The following GRAMD2B variants were observed in gnomAD, a reference collection of about 807,000 sequenced individuals.
GRAMD2B encodes the protein GRAM domain-containing protein 2B.
In GRAMD2B, 41 loss-of-function variants were observed where a neutral mutation model predicts 59.2. The observed-to-expected ratio is 0.69, with a 90% confidence interval of 0.54 to 0.90. GRAMD2B has a LOEUF of 0.90. Ranked by LOEUF, GRAMD2B falls within the 40% of genes least tolerant of loss-of-function variation. The pLI is 0.00. For missense variants in GRAMD2B, 424 were observed against 500.5 expected, an observed-to-expected ratio of 0.85 and a Z score of 1.46; for synonymous variants, 161 against 182.7, an observed-to-expected ratio of 0.88 and a Z score of 0.96.
At chr5:126,432,688 A>G (rs1405666894) in intron 1 of GRAMD2B, among the ~76,000 whole-genome samples, 6 of 152,176 alleles carry the variant, frequency 3.9e-5, no homozygotes, top group South Asian at 2.1e-4. Context: ...TGTTAAGAAT[A>G]TATTTCTTTT....
chr5:126,403,478 G>A (rs575634635), intron 1 of GRAMD2B, among the ~76,000 whole-genome samples: 9 of 152,068 alleles, frequency 5.9e-5, no homozygotes, highest in African/African-American at 2.2e-4. Flanking sequence ...GATTAATTAA[G>A]TCATCACTTA....
rs528281543 is a variant in GRAMD2B, at chr5:126,440,270, T to C, written c.83+16581T>C. Reference sequence around the variant, plus strand: ...AGTTTACCTTCCTCAAAAGGAAAACTTATGAAGTATTTCTTAAATGTATAA... The same window carrying C: ...AGTTTACCTTCCTCAAAAGGAAAACCTATGAAGTATTTCTTAAATGTATAA... On this transcript the variant is annotated intron_variant, in intron 1 of 13. Transcript: ENST00000285689. 5.6e-4 allele frequency among the ~76,000 whole-genome samples: 85 copies of C among 152,256 alleles called. No individual in the cohort carries two copies. The Middle Eastern group carries it at 0.01, about 18-fold the overall frequency.
At position 126,423,535 on chromosome 5, in the gene GRAMD2B, C is replaced by T; in HGVS notation, c.-72C>T. On this transcript the variant is annotated 5_prime_UTR_variant, in exon 1 of 14. Transcript: ENST00000285689. The stretch of plus-strand genomic sequence containing the variant: ...GCTTGCTTGGCCTGCGCACCCGGAC[C>T]TAGAAGCCGGGACGAGCCGGGGCAG... 4 of 1,566,490 alleles carry T rather than the reference C, an allele frequency of 2.6e-6. No homozygotes were observed. The highest frequency in any genetic ancestry group is 2.6e-6 in the Non-Finnish European group (3 of 1,157,606).
intron 1 of GRAMD2B, among the ~76,000 whole-genome samples, chr5:126,431,102 C>A (rs951927617): frequency 2.0e-5 from 3 of 152,186 alleles, no homozygotes; most frequent in African/African-American, 7.2e-5. Context: ...TCAAAGTTAA[C>A]ACTTCCCAAC....
chr5:126,477,604 C>CTTTTTTT, intron 5 of GRAMD2B, 88 bp from the exon 6 acceptor site: 2 of 821,334 alleles, frequency 2.4e-6, no homozygotes, highest in Non-Finnish European at 4.3e-6. Flanking sequence ...TTCTGTTTAC[C>CTTTTTTT]TTTTTTTTCT....
At chr5:126,438,807 C>T (rs1395272495) in intron 1 of GRAMD2B, among the ~76,000 whole-genome samples, 1 of 152,022 alleles carries the variant, frequency 6.6e-6, no homozygotes, top group African/African-American at 2.4e-5. Context: ...TGAACAATCA[C>T]ATATATGGCC....
chr5:126,475,242 T>C (rs1253649375), intron 5 of GRAMD2B, among the ~76,000 whole-genome samples: 1 of 152,226 alleles, frequency 6.6e-6, no homozygotes, highest in Non-Finnish European at 1.5e-5. Context: ...AAGCTCAAAC[T>C]GAAAAGTGAT....
intron 1 of GRAMD2B, among the ~76,000 whole-genome samples, chr5:126,437,349 T>A (rs897644820): frequency 5.9e-5 from 9 of 152,198 alleles, no homozygotes; most frequent in Non-Finnish European, 1.3e-4. Context: ...ATGACTTAGT[T>A]TTTCTCTTCA....
At chr5:126,484,276 C>A in intron 9 of GRAMD2B, 126 bp from the exon 10 acceptor site, 2 of 1,097,584 alleles carry the variant, frequency 1.8e-6, no homozygotes, top group Non-Finnish European at 2.6e-6. Flanking sequence ...CCACAACTAA[C>A]TTGTGAGACC....
chr5:126,374,891 G>T (rs944506679), intron 1 of GRAMD2B, among the ~76,000 whole-genome samples: 5 of 152,164 alleles, frequency 3.3e-5, no homozygotes. Context: ...CAGTTCAGAA[G>T]TGTTTCATTA....
chr5:126,437,145 C>G (rs556288476), intron 1 of GRAMD2B, among the ~76,000 whole-genome samples: 2 of 152,046 alleles, frequency 1.3e-5, no homozygotes, highest in Non-Finnish European at 2.9e-5. Flanking sequence ...TGAGTTTTTT[C>G]GAGATATTGC....
intron 1 of GRAMD2B, among the ~76,000 whole-genome samples, chr5:126,375,266 T>C (rs559879525): frequency 1.3e-5 from 2 of 152,328 alleles, no homozygotes; most frequent in South Asian, 4.1e-4. Context: ...TGCTAAACTT[T>C]TAATAATAAA....
intron 1 of GRAMD2B, among the ~76,000 whole-genome samples, chr5:126,432,836 T>C (rs139951334): frequency 2.1e-3 from 325 of 152,348 alleles, no homozygotes; most frequent in African/African-American, 7.6e-3. Flanking sequence ...TTAGAAAGAA[T>C]GACAGCACCT....
chr5:126,401,557 A>C (rs902521448), intron 1 of GRAMD2B, among the ~76,000 whole-genome samples: 2 of 151,862 alleles, frequency 1.3e-5, no homozygotes, highest in Non-Finnish European at 2.9e-5. Flanking sequence ...ACATTTGAAG[A>C]ATCAGTTAGC....
At chr5:126,485,144 A>G (rs1034058734) in intron 10 of GRAMD2B, among the ~76,000 whole-genome samples, 1 of 152,002 alleles carries the variant, frequency 6.6e-6, no homozygotes, top group Non-Finnish European at 1.5e-5. Flanking sequence ...CTTGAGTCCA[A>G]GGAGTTCAAG....
At chr5:126,409,590 C>T (rs938407456) in intron 1 of GRAMD2B, among the ~76,000 whole-genome samples, 2 of 151,818 alleles carry the variant, frequency 1.3e-5, no homozygotes, top group African/African-American at 4.8e-5. Flanking sequence ...GGATATTAGC[C>T]CTTTGTCAGA....
chr5:126,371,305 A>G (rs544699969), upstream of GRAMD2B: 1 of 1,133,874 alleles, frequency 8.8e-7, no homozygotes, highest in South Asian at 1.9e-5. Context: ...CCTCAGCTAG[A>G]TTGAGTCACA....
At position 126,406,204 on chromosome 5, in the gene GRAMD2B, A is replaced by C. The variant is rs532792333; in HGVS notation, c.125+34637A>C. Among the ~76,000 whole-genome samples the C allele has an allele frequency of 9.2e-5, 14 of 152,080 alleles. No individual in the cohort carries two copies. In the East Asian group the frequency reaches 2.7e-3, roughly 29 times the overall value. On this transcript the variant is annotated intron_variant, in intron 1 of 8. Coordinates refer to the GRAMD2B transcript ENST00000506445. Reference sequence around the variant, plus strand: ...TACATCTTTTACCAGCTCTGGCTAAAGAAGTTTGAGGCTTTTCTTTTTACC... The same window carrying C: ...TACATCTTTTACCAGCTCTGGCTAACGAAGTTTGAGGCTTTTCTTTTTACC...
chr5:126,475,600 C>G (rs1241828833), intron 5 of GRAMD2B, among the ~76,000 whole-genome samples: 1 of 152,168 alleles, frequency 6.6e-6, no homozygotes, highest in Non-Finnish European at 1.5e-5. Flanking sequence ...AGTCTTCCAG[C>G]CTAGATCATT....
Sources: allele counts gnomAD v4.1 joint callset (sites outside exome capture counted in the v4.1 genomes callset), GRCh38; gene constraint gnomAD v4.1.1; transcripts MANE v1.5; gene names NCBI Gene and HGNC (gene_info 2026-07-23, HGNC 2026-07-21).